Variants in DLC1 observed in about 807,000 individuals in gnomAD.
DLC1 encodes the protein rho GTPase-activating protein 7.
Under a neutral mutation model 140.3 loss-of-function variants are expected in DLC1, and 54 were observed. The ratio of observed to expected loss-of-function variants is 0.38; its 90% CI spans 0.31 to 0.48. The LOEUF (loss-of-function observed/expected upper bound fraction) is 0.48. DLC1 is among the 20% of genes least tolerant of loss of function. The pLI is 0.96. For synonymous variants in DLC1, 986 were observed against 728.1 expected, an observed-to-expected ratio of 1.35 and a Z score of -5.70; for missense variants, 2,536 against 1,907.0, an observed-to-expected ratio of 1.33 and a Z score of -6.14.
intron 5 of DLC1, chr8:13,133,612 C>G (rs1563663986): frequency 6.6e-6 from 1 of 150,900 alleles, no homozygotes; most frequent in Admixed American, 6.6e-5. Context: ...CTCCACGTTC[C>G]CAGCGGGAAG....
At chr8:13,269,726 G>C (rs1008613079) in intron 5 of DLC1, among the ~76,000 whole-genome samples, 4 of 88,512 alleles carry the variant, frequency 4.5e-5, no homozygotes, top group African/African-American at 1.8e-4. Flanking sequence ...AAAAAAAAAA[G>C]ACACATTATA....
intron 5 of DLC1, among the ~76,000 whole-genome samples, chr8:13,237,197 ATGTGTGTGTGTG>A (rs376660880): frequency 1.4e-5 from 2 of 138,204 alleles, no homozygotes; most frequent in Admixed American, 7.4e-5. Flanking sequence ...ATATATATAT[ATGTGTGTGTGTG>A]TGTGTGTGTG....
intron 1 of DLC1, among the ~76,000 whole-genome samples, chr8:13,556,174 A>G (rs1485671870): frequency 6.6e-6 from 1 of 151,944 alleles, no homozygotes; most frequent in East Asian, 1.9e-4. Context: ...AGCTCAGACA[A>G]CTCTACACAA....
At chr8:13,532,367 A>T (rs774626807) in intron 1 of DLC1, among the ~76,000 whole-genome samples, 1 of 152,236 alleles carries the variant, frequency 6.6e-6, no homozygotes, top group African/African-American at 2.4e-5. Flanking sequence ...TAGGCCCTGA[A>T]TTACATAGCT....
chr8:13,100,161 C>A lies in DLC1; in HGVS notation c.2176G>T (p.Val726Phe), dbSNP rs755422865. ...ISALNGNRIN[V>F]PMVRKRSVSN... ...ACGCTCCTCTTTCGTACCATGGGGA[C>A]GTTGATGCGGTTGCCATTGAGGGCG... The change falls in exon 9 of 18, where the codon GTC becomes TTC. Residue 726 changes from valine (V) to phenylalanine (F), a missense_variant. Transcript: ENST00000276297. The A allele has an allele frequency of 5.6e-6, 9 of 1,614,014 alleles. No individual in the cohort carries two copies. The highest frequency in any genetic ancestry group is 1.3e-5 in the African/African-American group (1 of 74,908).
chr8:13,308,381 C>G (rs28420563), intron 4 of DLC1, among the ~76,000 whole-genome samples: 5,023 of 152,216 alleles, frequency 0.033, 304 homozygotes, highest in African/African-American at 0.12. Flanking sequence ...TTTATAACTT[C>G]TTTTTAAGAG....
At chr8:13,094,029 C>A (rs1818297611) in intron 12 of DLC1, among the ~76,000 whole-genome samples, 1 of 152,126 alleles carries the variant, frequency 6.6e-6, no homozygotes, top group Non-Finnish European at 1.5e-5. Flanking sequence ...CATTTTACAG[C>A]AAGATAAAAC....
At chr8:13,126,688 G>GTAAC (rs1427475989) in intron 5 of DLC1, among the ~76,000 whole-genome samples, 1 of 152,054 alleles carries the variant, frequency 6.6e-6, no homozygotes, top group African/African-American at 2.4e-5. Context: ...CAAACCTAGA[G>GTAAC]TAACCCTGTC....
At chr8:13,407,526 C>G (rs1038791181) in intron 2 of DLC1, among the ~76,000 whole-genome samples, 1 of 151,942 alleles carries the variant, frequency 6.6e-6, no homozygotes, top group East Asian at 1.9e-4. Flanking sequence ...GACACAGGCT[C>G]TGTTTTCCTA....
At chr8:13,451,270 A>C (rs1230754393) in intron 2 of DLC1, among the ~76,000 whole-genome samples, 2 of 152,028 alleles carry the variant, frequency 1.3e-5, no homozygotes, top group African/African-American at 2.4e-5. Context: ...TATATTTATG[A>C]GGTACATGAG....
At position 13,554,777 on chromosome 8, in the gene DLC1, C is replaced by A. The variant is rs149297349; in HGVS notation, c.-126+49760G>T. Reference sequence around the variant, plus strand: ...TATGCTCTGGTTCTCATTCCACCTCCCCACTCACAATCTGAAGTCTATCAC... The same window carrying A: ...TATGCTCTGGTTCTCATTCCACCTCACCACTCACAATCTGAAGTCTATCAC... On this transcript the variant is annotated intron_variant, in intron 1 of 1. Coordinates refer to the DLC1 transcript ENST00000631382. Among the ~76,000 whole-genome samples the A allele has an allele frequency of 3.3e-4, 50 of 152,306 alleles. 1 individual carries two copies. Among genetic ancestry groups the A allele is most frequent in the African/African-American group, 1.2e-3 (49 of 41,564 alleles).
chr8:13,419,459 A>G (rs1396746303), intron 2 of DLC1, among the ~76,000 whole-genome samples: 2 of 152,096 alleles, frequency 1.3e-5, no homozygotes, highest in Non-Finnish European at 2.9e-5. Flanking sequence ...TTTTCTGCAT[A>G]TGTTGAGATA....
chr8:13,551,601 A>G lies in DLC1; in HGVS notation c.-125-51405T>C, dbSNP rs80171695. 4.3e-3 allele frequency among the ~76,000 whole-genome samples: 661 copies of G among 152,098 alleles called. 8 individuals carry two copies. The highest frequency in any genetic ancestry group is 0.015 in the African/African-American group (635 of 41,520). On this transcript the variant is annotated intron_variant, in intron 1 of 1. Transcript: ENST00000631382. The stretch of plus-strand genomic sequence containing the variant: ...AAACTTCTGGAGTGCTGCATAAGGC[A>G]TGTTAAGGTCCTTTGAGAACAAATC...
At chr8:13,369,135 C>T (rs1835619247) in intron 4 of DLC1, among the ~76,000 whole-genome samples, 1 of 152,094 alleles carries the variant, frequency 6.6e-6, no homozygotes, top group Non-Finnish European at 1.5e-5. Flanking sequence ...ACACGGTTCA[C>T]CTTATTTCCA....
chr8:13,371,420 C>T (rs1230971844), intron 4 of DLC1, among the ~76,000 whole-genome samples: 1 of 152,100 alleles, frequency 6.6e-6, no homozygotes, highest in Non-Finnish European at 1.5e-5. Flanking sequence ...TCTTCAAGTT[C>T]CTCTTTGTCA....
intron 13 of DLC1, among the ~76,000 whole-genome samples, chr8:13,091,761 G>C (rs556397376): frequency 4.5e-4 from 69 of 152,266 alleles, no homozygotes; most frequent in African/African-American, 1.7e-3. Context: ...GTGTGGGAAA[G>C]GAGTCCCAGG....
intron 5 of DLC1, among the ~76,000 whole-genome samples, chr8:13,173,436 A>G (rs1825596884): frequency 7.4e-6 from 1 of 134,498 alleles, no homozygotes; most frequent in East Asian, 2.3e-4. Flanking sequence ...CAGTGGCGCG[A>G]TCTCGGCTCA....
chr8:13,304,788 G>C, intron 5 of DLC1: 1 of 958,098 alleles, frequency 1.0e-6, no homozygotes, highest in Non-Finnish European at 1.2e-6. Context: ...TTAAAGCACA[G>C]AACACAGAAA....
intron 5 of DLC1, among the ~76,000 whole-genome samples, chr8:13,200,743 G>A (rs4831404): frequency 6.6e-6 from 1 of 151,620 alleles, no homozygotes; most frequent in South Asian, 2.1e-4. Flanking sequence ...TAGGTGGGAC[G>A]ACAGGTCCAT....
Sources: allele counts gnomAD v4.1 joint callset (sites outside exome capture counted in the v4.1 genomes callset), GRCh38; gene constraint gnomAD v4.1.1; transcripts MANE v1.5; gene names NCBI Gene and HGNC (gene_info 2026-07-23, HGNC 2026-07-21).